AGBL3: variants seen among roughly 807,000 people sequenced by gnomAD.
AGBL3 encodes AGBL carboxypeptidase 3, also known as cytosolic carboxypeptidase 3.
AGBL3 carries 68 observed loss-of-function variants against 94.5 expected under a neutral mutation model. The observed-to-expected ratio is 0.72, with a 90% CI of 0.59 to 0.88. The LOEUF (loss-of-function observed/expected upper bound fraction) is 0.88, where lower values mean the gene tolerates loss of function less well. Among genes scored for constraint, AGBL3 ranks in the 40% least tolerant of loss-of-function variants. AGBL3 has a pLI of 0.00. For missense variants in AGBL3, 934 were observed against 1,103.8 expected (o/e 0.85, Z 2.18); for synonymous variants, 354 against 370.7 (o/e 0.95, Z 0.52).
At chr7:135,097,263 C>T (rs1823045270) in intron 15 of AGBL3, among the ~76,000 whole-genome samples, 1 of 152,080 alleles carries the variant, frequency 6.6e-6, no homozygotes. Flanking sequence ...GGGTAGAGCT[C>T]ATTTTGTCAG....
chr7:135,036,920 T>C (rs930596722), intron 7 of AGBL3, among the ~76,000 whole-genome samples: 7 of 57,604 alleles, frequency 1.2e-4, no homozygotes, highest in Non-Finnish European at 2.4e-4. Flanking sequence ...GGCTACTGCA[T>C]GCAGACTTTT....
Position 135,037,434 on chromosome 7 carries a change from G to A in AGBL3, c.1354G>A (p.Glu452Lys), listed in dbSNP as rs1379312884. Reference sequence around the variant, plus strand: ...TCCTGGCAGACTGATGGAGAAACGAGAGGTTATTTTATACTGTGATCTTCA... The same window carrying A: ...TCCTGGCAGACTGATGGAGAAACGAAAGGTTATTTTATACTGTGATCTTCA... The part of the protein sequence containing the change: ...NMVHRLMEKR[E>K]VILYCDLHGH... Residue 452 changes from glutamate (E) to lysine (K), a missense_variant, in exon 8 of 17, where the codon GAG becomes AAG. By Grantham distance (56) the Glu-to-Lys change is moderately conservative. Transcript: ENST00000436302. 2 of 1,541,422 alleles carry A rather than the reference G, an allele frequency of 1.3e-6. No individual in the cohort carries two copies. The highest frequency in any genetic ancestry group is 1.7e-6 in the Non-Finnish European group (2 of 1,143,404).
chr7:135,073,275 G>T (rs991672450), intron 12 of AGBL3, among the ~76,000 whole-genome samples: 9 of 151,812 alleles, frequency 5.9e-5, no homozygotes. Context: ...AGACCAGCCT[G>T]GCCAACATAG....
At chr7:134,990,032 T>G (rs1810030095) in intron 3 of AGBL3, among the ~76,000 whole-genome samples, 2 of 152,322 alleles carry the variant, frequency 1.3e-5, no homozygotes, top group East Asian at 3.9e-4. Flanking sequence ...GCCAAGCTAT[T>G]AGAAAACAGG....
intron 12 of AGBL3, among the ~76,000 whole-genome samples, chr7:135,069,445 C>T (rs1297242828): frequency 6.6e-6 from 1 of 152,168 alleles, no homozygotes; most frequent in African/African-American, 2.4e-5. Flanking sequence ...CCACACCACA[C>T]CTATTCCAAA....
chr7:135,110,726 T>A (rs1304235484), intron 15 of AGBL3, among the ~76,000 whole-genome samples: 1 of 152,222 alleles, frequency 6.6e-6, no homozygotes, highest in Non-Finnish European at 1.5e-5. Context: ...TTGTGTTCAC[T>A]CACTCCTTCA....
At chr7:135,119,576 C>T (rs1035424266) in intron 16 of AGBL3, among the ~76,000 whole-genome samples, 2 of 149,918 alleles carry the variant, frequency 1.3e-5, no homozygotes, top group South Asian at 2.2e-4. Context: ...AAAGAAAAAA[C>T]TATCGAAAGG....
chr7:135,053,610 AAAAACAAAAC>A (rs201764002), intron 11 of AGBL3, among the ~76,000 whole-genome samples: 37 of 152,030 alleles, frequency 2.4e-4, no homozygotes, highest in Non-Finnish European at 4.9e-4. Flanking sequence ...TCCGTCTCAA[AAAAACAAAAC>A]AAAACAAAAC....
At chr7:135,064,089 C>G (rs1431555185) in intron 12 of AGBL3, among the ~76,000 whole-genome samples, 2 of 152,190 alleles carry the variant, frequency 1.3e-5, no homozygotes, top group Non-Finnish European at 2.9e-5. Context: ...TAACATTCCA[C>G]TGGCCAAATT....
Position 135,006,667 on chromosome 7 carries a change from A to G in AGBL3, c.311-10385A>G, listed in dbSNP as rs79011621. ...CAAAATAAAGTGGCTCCTCAGCACA[A>G]CTTTGGAAGTGTTGTGAAATCTTAT... On this transcript the variant is annotated intron_variant, in intron 4 of 16. Transcript: ENST00000436302. Among the ~76,000 whole-genome samples, 1,493 of 152,054 alleles carry G rather than the reference A, an allele frequency of 9.8e-3. 20 individuals carry two copies. The highest frequency in any genetic ancestry group is 0.034 in the African/African-American group (1,409 of 41,564).
rs185240659 is a variant in AGBL3, at chr7:135,057,482, G to A, written c.1842-1687G>A. ...GGGAATTGCAGACTAAAACAACAGT[G>A]AAATATCATGACACACCTAATTATA... is the stretch of plus-strand genomic sequence containing the variant. On this transcript the variant is annotated intron_variant, in intron 11 of 16. Coordinates refer to ENST00000436302, the MANE Select transcript of AGBL3 (RefSeq NM_178563.4). Among the ~76,000 whole-genome samples the A allele has an allele frequency of 1.3e-3, 194 of 152,158 alleles. 2 individuals are homozygous for A. Among genetic ancestry groups the A allele is most frequent in the Non-Finnish European group, 1.1e-3 (78 of 67,982 alleles).
At chr7:135,087,065 T>C (rs573370949) in intron 15 of AGBL3, among the ~76,000 whole-genome samples, 8 of 152,096 alleles carry the variant, frequency 5.3e-5, no homozygotes, top group Non-Finnish European at 1.2e-4. Flanking sequence ...CTTCTTTGCT[T>C]AATCTTAGTA....
At chr7:134,991,204 G>GT (rs1554488024) in intron 3 of AGBL3, among the ~76,000 whole-genome samples, 1 of 116,428 alleles carries the variant, frequency 8.6e-6, no homozygotes, top group South Asian at 3.5e-4. Context: ...GTGTGGGTGG[G>GT]GGGGGGGTTG....
chr7:135,013,584 C>T (rs759415454), intron 4 of AGBL3, among the ~76,000 whole-genome samples: 2 of 152,016 alleles, frequency 1.3e-5, no homozygotes, highest in African/African-American at 2.4e-5. Context: ...AGAATGATGC[C>T]GTATACTTGA....
chr7:135,101,872 T>G (rs185376530), intron 15 of AGBL3, among the ~76,000 whole-genome samples: 34 of 152,312 alleles, frequency 2.2e-4, no homozygotes, highest in Non-Finnish European at 3.4e-4. Flanking sequence ...CCATGAGAGA[T>G]AATTGAATCA....
chr7:134,998,888 G>A (rs902623262), intron 4 of AGBL3, among the ~76,000 whole-genome samples: 2 of 152,110 alleles, frequency 1.3e-5, no homozygotes, highest in African/African-American at 4.8e-5. Flanking sequence ...TTGTACCAGT[G>A]TCCTCCTCTA....
chr7:135,134,907 C>T lies in AGBL3; in HGVS notation c.2409C>T (p.His803=), dbSNP rs1188470926. 1.3e-6 allele frequency: 2 copies of T among 1,551,008 alleles called. No individual in the cohort carries two copies. Among genetic ancestry groups the T allele is most frequent in the Non-Finnish European group, 1.7e-6 (2 of 1,146,634 alleles). The change falls in exon 17 of 17, where the codon CAC becomes CAT. Residue 803 remains histidine (H), a synonymous_variant. Coordinates refer to ENST00000436302, the MANE Select transcript of AGBL3 (RefSeq NM_178563.4). ...YSTSWTAPRN[H]PFVIQGDVMA... ...CATCTTGGACAGCACCCAGAAATCACCCTTTTGTAATCCAAGGGGATGTTA... is the reference window on the plus strand; with the variant it reads ...CATCTTGGACAGCACCCAGAAATCATCCTTTTGTAATCCAAGGGGATGTTA...
chr7:135,074,754 C>A (rs920272179), intron 12 of AGBL3, among the ~76,000 whole-genome samples: 1 of 152,066 alleles, frequency 6.6e-6, no homozygotes, highest in African/African-American at 2.4e-5. Flanking sequence ...TACCCATGCC[C>A]ACAATTCAGG....
intron 16 of AGBL3, chr7:135,129,700 CT>C (rs1470716164): frequency 1.3e-6 from 1 of 765,936 alleles, no homozygotes; most frequent in Admixed American, 1.7e-5. Flanking sequence ...TAGTTAACTA[CT>C]GCTCAAGATA....
Sources: gnomAD v4.1 joint callset for allele counts (sites outside exome capture counted in the v4.1 genomes callset) on GRCh38, gnomAD v4.1.1 for gene constraint, MANE v1.5 for transcripts, NCBI Gene and HGNC (gene_info 2026-07-23, HGNC 2026-07-21) for gene names.